Variants in KIDINS220 observed in about 807,000 individuals in gnomAD.
KIDINS220 encodes kinase D interacting substrate 220, also known as kinase D-interacting substrate of 220 kDa.
A neutral mutation model predicts 157.6 loss-of-function variants in KIDINS220; 63 were observed. That is an observed-to-expected ratio of 0.40 (90% CI 0.33 to 0.49). KIDINS220 has a LOEUF of 0.49. Among genes scored for constraint, KIDINS220 ranks in the 20% least tolerant of loss-of-function variants. The pLI is 0.66. For synonymous variants in KIDINS220, 732 were observed against 783.6 expected, an observed-to-expected ratio of 0.93 and a Z score of 1.10; for missense variants, 1,772 against 2,171.2, an observed-to-expected ratio of 0.82 and a Z score of 3.65.
chr2:8,825,293 A>C (rs182241407), intron 2 of KIDINS220, among the ~76,000 whole-genome samples: 1 of 151,482 alleles, frequency 6.6e-6, no homozygotes, highest in East Asian at 1.9e-4. Flanking sequence ...GAATCACTGG[A>C]AGGCAGGGGG....
chr2:8,810,150 C>T (rs149194482), intron 6 of KIDINS220, among the ~76,000 whole-genome samples: 228 of 152,296 alleles, frequency 1.5e-3, no homozygotes, highest in African/African-American at 5.1e-3. Context: ...TAGAGGAAGT[C>T]GCATTCTTTT....
chr2:8,757,525 T>C, intron 22 of KIDINS220: 13 of 1,442,702 alleles, frequency 9.0e-6, no homozygotes, highest in Non-Finnish European at 1.1e-5. Flanking sequence ...GTTTGCTCTT[T>C]AATGTTTCAA....
chr2:8,773,476 C>CT (rs748234420), intron 21 of KIDINS220, among the ~76,000 whole-genome samples: 510 of 139,218 alleles, frequency 3.7e-3, no homozygotes, highest in Admixed American at 8.1e-3. Flanking sequence ...TAGATTTTTT[C>CT]TTTTTTTTTT....
intron 1 of KIDINS220, among the ~76,000 whole-genome samples, chr2:8,835,154 C>G (rs13034740): frequency 0.031 from 4,700 of 152,296 alleles, 101 homozygotes; most frequent in Non-Finnish European, 0.043. Context: ...CAGCCTTGAA[C>G]TAATTTATTA....
At chr2:8,744,604 T>C (rs924627398) in intron 26 of KIDINS220, among the ~76,000 whole-genome samples, 2 of 151,316 alleles carry the variant, frequency 1.3e-5, no homozygotes, top group African/African-American at 4.9e-5. Context: ...TGAGCAGAGA[T>C]GGGACCAATG....
At chr2:8,770,924 TC>T in intron 21 of KIDINS220, 92 bp from the exon 22 acceptor site, 2 of 731,908 alleles carry the variant, frequency 2.7e-6, no homozygotes, top group Non-Finnish European at 3.9e-6. Context: ...ATTTTAAATT[TC>T]TAAAATTTAC....
chr2:8,786,118 T>C (rs1465751002), intron 16 of KIDINS220, 88 bp from the exon 17 acceptor site: 1 of 1,569,746 alleles, frequency 6.4e-7, no homozygotes, highest in Non-Finnish European at 8.7e-7. Context: ...ATGAGTCTAA[T>C]GTTCAAGGTG....
intron 11 of KIDINS220, 161 bp from the exon 12 acceptor site, chr2:8,794,148 AATAT>A: frequency 2.0e-6 from 1 of 499,224 alleles, no homozygotes; most frequent in Non-Finnish European, 3.4e-6. Flanking sequence ...TCTTCCCCAT[AATAT>A]CCTTCTGTAG....
At chr2:8,744,401 A>AT (rs57838968) in intron 26 of KIDINS220, among the ~76,000 whole-genome samples, 2,066 of 6,588 alleles carry the variant, frequency 0.31, 171 homozygotes, top group Non-Finnish European at 0.35. Flanking sequence ...ATATATATAT[A>AT]ATATATATAT....
In KIDINS220 at chr2:8,751,489, G is replaced by A. The variant is rs1667354816; in HGVS notation, c.3167C>T (p.Pro1056Leu). ...ACCTGCAATAATTTCCCGTAGTTTGGGATCTAGGTTTACAGTGCATGGCAA... is the reference window on the plus strand; with the variant it reads ...ACCTGCAATAATTTCCCGTAGTTTGAGATCTAGGTTTACAGTGCATGGCAA... ...VFLPCTVNLD[P>L]KLREIIADVR... is the part of the protein sequence containing the mutation. Residue 1056 changes from proline to leucine, a missense_variant, in exon 23 of 30, where the codon CCC (proline) becomes CTC (leucine). By Grantham distance (98) the Pro-to-Leu change is moderately conservative. This residue lies in a region of KIDINS220 where 725 missense variants were observed against 1,017.1 expected (regional missense o/e 0.71). Transcript: ENST00000256707. The A allele has an allele frequency of 3.7e-6, 6 of 1,607,760 alleles. No individual in the cohort carries two copies. Among genetic ancestry groups the A allele is most frequent in the Non-Finnish European group, 5.1e-6 (6 of 1,178,598 alleles).
At chr2:8,823,735 T>G (rs1167006001) in intron 2 of KIDINS220, among the ~76,000 whole-genome samples, 1 of 152,178 alleles carries the variant, frequency 6.6e-6, no homozygotes, top group African/African-American at 2.4e-5. Context: ...TTTAATGTTT[T>G]GAAACTATCA....
Position 8,729,107 on chromosome 2 carries a change from T to A in KIDINS220, c.*1613A>T. 2.0e-6 allele frequency: 2 copies of A among 984,254 alleles called. No homozygotes were observed. The highest frequency in any genetic ancestry group is 3.5e-5 in the African/African-American group (2 of 57,334). The allele number at this position is 984,254 out of a possible 1,614,324, so 61.0% of individuals were successfully genotyped here. On this transcript the variant is annotated 3_prime_UTR_variant, in exon 30 of 30. Transcript: ENST00000256707. ...TATACAATTTTGCAAATAAGCACTA[T>A]AAATGTTAAAATGTTAAGACTTCAG...
At chr2:8,771,660 C>A (rs1240555790) in intron 21 of KIDINS220, among the ~76,000 whole-genome samples, 2 of 152,078 alleles carry the variant, frequency 1.3e-5, no homozygotes, top group Non-Finnish European at 2.9e-5. Flanking sequence ...TGAGTTATTC[C>A]TTTCCCTACT....
intron 22 of KIDINS220, among the ~76,000 whole-genome samples, chr2:8,759,505 AC>A (rs1668473142): frequency 6.6e-6 from 1 of 150,972 alleles, no homozygotes; most frequent in Admixed American, 6.6e-5. Flanking sequence ...GATTAAAAAA[AC>A]CCTTAAACTC....
Position 8,832,144 on chromosome 2 carries a change from G to A in KIDINS220, c.-36-5015C>T, listed in dbSNP as rs551460759. 3.3e-5 allele frequency among the ~76,000 whole-genome samples: 5 copies of A among 152,104 alleles called. No individual in the cohort carries two copies. The East Asian group carries it at 7.7e-4, about 24-fold the overall frequency. ...TCCCCGAATCACCTAACATCATCTC[G>A]AATCTTCTAAGTCCTTTCTAACAAC... On this transcript the variant is annotated intron_variant, in intron 1 of 29. Coordinates refer to ENST00000256707, the MANE Select transcript of KIDINS220 (RefSeq NM_020738.4).
Position 8,731,148 on chromosome 2 carries a change from GT to G in KIDINS220, c.4887del (p.His1630IlefsTer3). The G allele has an allele frequency of 6.2e-7, 1 of 1,614,196 alleles. No homozygotes were observed. Among genetic ancestry groups the G allele is most frequent in the Non-Finnish European group, 8.5e-7 (1 of 1,180,044 alleles). Reference sequence around the variant, plus strand: ...GGATCTTGCAGGCCACTCAGGCTATGTGGGATTCCCCGCTTTCCGCTGTGAC... The same window carrying G: ...GGATCTTGCAGGCCACTCAGGCTATGGGGATTCCCCGCTTTCCGCTGTGAC... Reference protein sequence around the residue: ...DDSHSGKRGIPHSLSGLQDPI... With the variant: ...DDSHSGKRGIXHSLSGLQDPI... On this transcript the variant is annotated frameshift_variant, in exon 30 of 30. Transcript: ENST00000256707. LOFTEE classifies it low-confidence loss of function (END_TRUNC). The surrounding 1 kb of genome is among the most constrained non-coding windows in gnomAD (Gnocchi z 5.2).
rs376950810 is a variant in KIDINS220 at position 8,789,873 on chromosome 2, G to T, written c.1621+7C>A. ...ATTTTTGAAAAAGATAAAAAGCAAA[G>T]ACTTACTAAAGAATATATATAAGAG... On this transcript the variant is annotated splice_region_variant and intron_variant, in intron 14 of 29. Coordinates refer to ENST00000256707, the MANE Select transcript of KIDINS220 (RefSeq NM_020738.4). The T allele has an allele frequency of 1.1e-4, 169 of 1,570,162 alleles. No individual in the cohort carries two copies. Among genetic ancestry groups the T allele is most frequent in the Non-Finnish European group, 1.5e-4 (169 of 1,162,580 alleles).
downstream of KIDINS220, among the ~76,000 whole-genome samples, chr2:8,726,131 G>T (rs1475943863): frequency 6.6e-6 from 1 of 152,138 alleles, no homozygotes; most frequent in Non-Finnish European, 1.5e-5. Context: ...GTCATCCTTC[G>T]AATAGTTGGG....
At chr2:8,758,534 A>G (rs1272633654) in intron 22 of KIDINS220, among the ~76,000 whole-genome samples, 1 of 151,900 alleles carries the variant, frequency 6.6e-6, no homozygotes, top group Non-Finnish European at 1.5e-5. Flanking sequence ...CTTTTTTTCT[A>G]TTGTTATTCT....
Sources: gnomAD v4.1 joint callset for allele counts (sites outside exome capture counted in the v4.1 genomes callset) on GRCh38, gnomAD v4.1.1 for gene constraint, gnomAD v4.1.1 regional missense constraint, Gnocchi (gnomAD v3.1) non-coding constraint, MANE v1.5 for transcripts, NCBI Gene and HGNC (gene_info 2026-07-23, HGNC 2026-07-21) for gene names.